Variants in NTN1 observed in about 807,000 individuals in gnomAD.
NTN1 encodes the protein netrin-1.
NTN1 carries 11 observed loss-of-function variants against 54.2 expected under a neutral mutation model. The observed-to-expected ratio is 0.20, with a 90% CI of 0.13 to 0.34. The LOEUF is 0.34. Ranked by LOEUF, NTN1 falls within the 10% of genes least tolerant of loss-of-function variation. The pLI, the probability that NTN1 is intolerant of heterozygous loss-of-function variation, is 1.00. For synonymous variants in NTN1, 371 were observed against 382.0 expected (o/e 0.97, Z 0.33); for missense variants, 740 against 893.1 (o/e 0.83, Z 2.18).
At chr17:9,190,681 A>G (rs1264567951) in intron 5 of NTN1, among the ~76,000 whole-genome samples, 1 of 152,038 alleles carries the variant, frequency 6.6e-6, no homozygotes, top group Non-Finnish European at 1.5e-5. Flanking sequence ...GTGAAACCCC[A>G]TCTCTACTAA....
rs1441411681 is a variant in NTN1 at position 9,236,461 on chromosome 17, A to G, written c.1487-3179A>G. Among the ~76,000 whole-genome samples the G allele has an allele frequency of 2.0e-5, 3 of 152,252 alleles. No individual in the cohort carries two copies. The East Asian group carries it at 5.8e-4, about 29-fold the overall frequency. On this transcript the variant is annotated intron_variant, in intron 6 of 6. Transcript: ENST00000173229. The stretch of plus-strand genomic sequence containing the variant: ...TTTGAATATTTTCAGCTGTATGTGC[A>G]TGGCAGGGGCTTGGCCCATGCACTG...
Position 9,221,722 on chromosome 17 carries a change from CA to C in NTN1, c.1486+481del, listed in dbSNP as rs1905364977. On this transcript the variant is annotated intron_variant, in intron 6 of 6. Coordinates refer to ENST00000173229, the MANE Select transcript of NTN1 (RefSeq NM_004822.3). This position sits in a 1 kb window ranked among gnomAD's most constrained non-coding sequence, Gnocchi z 4.5. ...GGAGTCTGCGCTGTAAACGGCTCACCACTCATTCCCATGCACCGGAAGTTCC... is the reference window on the plus strand; with the variant it reads ...GGAGTCTGCGCTGTAAACGGCTCACCCTCATTCCCATGCACCGGAAGTTCC... 1.3e-5 allele frequency among the ~76,000 whole-genome samples: 2 copies of C among 152,216 alleles called. No homozygotes were observed. The highest frequency in any genetic ancestry group is 1.5e-5 in the Non-Finnish European group (1 of 68,036).
intron 5 of NTN1, among the ~76,000 whole-genome samples, chr17:9,187,220 G>T (rs1352661764): frequency 6.6e-6 from 1 of 152,120 alleles, no homozygotes; most frequent in Non-Finnish European, 1.5e-5. Flanking sequence ...AGTTGCTGGC[G>T]TGAGGACAGG....
At chr17:9,195,229 C>T (rs1261862087) in intron 5 of NTN1, among the ~76,000 whole-genome samples, 1 of 149,844 alleles carries the variant, frequency 6.7e-6, no homozygotes, top group African/African-American at 2.5e-5. Context: ...CCTCCATCAC[C>T]CCAAGGAGCA....
At chr17:9,222,667 GA>G (rs1442655312) in intron 6 of NTN1, among the ~76,000 whole-genome samples, 2 of 152,136 alleles carry the variant, frequency 1.3e-5, no homozygotes, top group Non-Finnish European at 2.9e-5. Flanking sequence ...TCACTATCCA[GA>G]ATCTGAGCTC....
At position 9,219,788 on chromosome 17, in the gene NTN1, G is replaced by A. The variant is rs776021694; in HGVS notation, c.1412-1380G>A. 2.0e-5 allele frequency among the ~76,000 whole-genome samples: 3 copies of A among 152,188 alleles called. No homozygotes were observed. Among genetic ancestry groups the A allele is most frequent in the South Asian group, 2.1e-4 (1 of 4,826 alleles). On this transcript the variant is annotated intron_variant, in intron 5 of 6. Transcript: ENST00000173229. The surrounding 1 kb of genome is among the most constrained non-coding windows in gnomAD (Gnocchi z 4.5). Reference sequence around the variant, plus strand: ...CCTTGACCTTTGTTTTCCCCTCTGCGGGATAGGACGCTGCCACCTGCCCCT... The same window carrying A: ...CCTTGACCTTTGTTTTCCCCTCTGCAGGATAGGACGCTGCCACCTGCCCCT...
chr17:9,066,998 C>CAAAAA lies in NTN1; in HGVS notation c.1018+43620_1018+43624dup, dbSNP rs71361855. On this transcript the variant is annotated intron_variant, in intron 2 of 6. Transcript: ENST00000173229. ...CCTGGGCGACAGAGTGACTCCATCT[C>CAAAAA]AAAAAAAAAAAAAAAAAGGCACATT... 3.0e-3 allele frequency among the ~76,000 whole-genome samples: 271 copies of CAAAAA among 89,308 alleles called. 6 individuals carry two copies. The highest frequency in any genetic ancestry group is 8.1e-3 in the African/African-American group (187 of 23,014). 58.6% of individuals were successfully genotyped at this position (89,308 alleles called of 152,430 possible). A position where few individuals can be genotyped will look rare whatever the true frequency, so the allele number is the denominator to read the frequency against.
At position 9,223,739 on chromosome 17, in the gene NTN1, C is replaced by G. The variant is rs73259945; in HGVS notation, c.1486+2497C>G. 7.6e-3 allele frequency among the ~76,000 whole-genome samples: 1,162 copies of G among 152,282 alleles called. 21 individuals are homozygous for G. Among genetic ancestry groups the G allele is most frequent in the African/African-American group, 0.027 (1,108 of 41,558 alleles). The stretch of plus-strand genomic sequence containing the variant: ...AGCAGGACGCCCAAGGCTCTTGTAG[C>G]TTTCCTAGGCTTTGGACCTGGGCAC... On this transcript the variant is annotated intron_variant, in intron 6 of 6. Coordinates refer to ENST00000173229, the MANE Select transcript of NTN1 (RefSeq NM_004822.3).
chr17:9,070,434 C>T (rs1449562704), intron 2 of NTN1, among the ~76,000 whole-genome samples: 1 of 152,074 alleles, frequency 6.6e-6, no homozygotes, highest in Non-Finnish European at 1.5e-5. Context: ...CATAGAGGAA[C>T]AAGAAGTGAC....
At chr17:9,080,702 G>A (rs969941467) in intron 2 of NTN1, among the ~76,000 whole-genome samples, 2 of 152,148 alleles carry the variant, frequency 1.3e-5, no homozygotes, top group Admixed American at 6.5e-5. Context: ...CCCCACCTCC[G>A]GTGAAGCAAG....
At chr17:9,227,771 GCACACATACCA>G (rs1200624613) in intron 6 of NTN1, among the ~76,000 whole-genome samples, 1 of 149,680 alleles carries the variant, frequency 6.7e-6, no homozygotes, top group African/African-American at 2.5e-5. Context: ...TATCATACAG[GCACACATACCA>G]CACACATATC....
At chr17:9,144,413 A>G in intron 2 of NTN1, among the ~76,000 whole-genome samples, 1 of 152,118 alleles carries the variant, frequency 6.6e-6, no homozygotes, top group East Asian at 1.9e-4. Context: ...AAACTGAGGC[A>G]TAGAGGTGAT....
At position 9,023,398 on chromosome 17, in the gene NTN1, G is replaced by C. The variant is rs2091859995; in HGVS notation, c.1018+7G>C. On this transcript the variant is annotated splice_region_variant and intron_variant, in intron 2 of 6. Transcript: ENST00000173229. ...GAAGCCAACGAGTGCGTGGGTGAGT[G>C]GGGTGCGGCGGCGGAGCCGGCGGCG... The C allele has an allele frequency of 2.9e-6, 4 of 1,362,678 alleles. No individual in the cohort carries two copies. In the South Asian group the frequency reaches 5.4e-5, roughly 18 times the overall value. 84.4% of individuals were successfully genotyped at this position (1,362,678 alleles called of 1,614,324 possible).
chr17:9,028,141 CT>C (rs1482810871), intron 2 of NTN1, among the ~76,000 whole-genome samples: 1 of 152,086 alleles, frequency 6.6e-6, no homozygotes, highest in African/African-American at 2.4e-5. Context: ...AAAAGAAGGC[CT>C]TCTCTTTTCA....
At chr17:9,199,299 C>T (rs775113911) in intron 5 of NTN1, among the ~76,000 whole-genome samples, 17 of 152,206 alleles carry the variant, frequency 1.1e-4, no homozygotes, top group Non-Finnish European at 1.0e-4. Context: ...CCCACCACCA[C>T]GCCCAGCTAA....
intron 2 of NTN1, among the ~76,000 whole-genome samples, chr17:9,099,486 G>A (rs1327031698): frequency 6.6e-6 from 1 of 152,096 alleles, no homozygotes; most frequent in Non-Finnish European, 1.5e-5. Flanking sequence ...AGAAACTTCA[G>A]CTATTTCCAG....
chr17:9,220,016 G>A (rs990887810), intron 5 of NTN1, among the ~76,000 whole-genome samples: 5 of 152,218 alleles, frequency 3.3e-5, no homozygotes, highest in Non-Finnish European at 5.9e-5. Flanking sequence ...AGCCTGGCTG[G>A]TCTTCCCCCA....
At chr17:9,223,520 C>A (rs1417808741) in intron 6 of NTN1, among the ~76,000 whole-genome samples, 3 of 152,114 alleles carry the variant, frequency 2.0e-5, no homozygotes, top group Middle Eastern at 3.4e-3. Context: ...TGACTGCACT[C>A]CAGACTGGCC....
At chr17:9,091,902 T>C (rs2092112136) in intron 2 of NTN1, among the ~76,000 whole-genome samples, 1 of 152,174 alleles carries the variant, frequency 6.6e-6, no homozygotes, top group African/African-American at 2.4e-5. Context: ...AAACCTCTAA[T>C]CTACTTTGTC....
Sources: allele counts gnomAD v4.1 joint callset (sites outside exome capture counted in the v4.1 genomes callset), GRCh38; gene constraint gnomAD v4.1.1; non-coding constraint Gnocchi (gnomAD v3.1); transcripts MANE v1.5; gene names NCBI Gene and HGNC (gene_info 2026-07-23, HGNC 2026-07-21).